Variants in CLASRP observed in about 807,000 individuals in gnomAD.
CLASRP encodes CLK4-associating serine/arginine rich protein.
Under a neutral mutation model 99.9 loss-of-function variants are expected in CLASRP, and 52 were observed. The ratio of observed to expected loss-of-function variants is 0.52; its 90% CI spans 0.42 to 0.66. The LOEUF (loss-of-function observed/expected upper bound fraction) is 0.66, where lower values mean the gene tolerates loss of function less well. CLASRP is among the 30% of genes least tolerant of loss of function. The pLI is 0.00. For missense variants in CLASRP, 848 were observed against 999.2 expected (o/e 0.85, Z 2.04); for synonymous variants, 379 against 373.0 (o/e 1.02, Z -0.18).
chr19:45,048,846 C>A (rs542358064), intron 2 of CLASRP, among the ~76,000 whole-genome samples: 1 of 151,660 alleles, frequency 6.6e-6, no homozygotes, highest in Non-Finnish European at 1.5e-5. Context: ...ATTAGCCAAG[C>A]GTGGTGGCGG....
intron 13 of CLASRP, among the ~76,000 whole-genome samples, chr19:45,065,715 C>T (rs991898784): frequency 4.0e-4 from 61 of 152,132 alleles, no homozygotes; most frequent in African/African-American, 1.3e-3. Flanking sequence ...GGAAGGGCAG[C>T]GACGCTGGGT....
chr19:45,070,749 G>A, intron 20 of CLASRP, 54 bp from the exon 21 acceptor site: 1 of 1,467,960 alleles, frequency 6.8e-7, no homozygotes, highest in Non-Finnish European at 9.6e-7. Flanking sequence ...ACGGCCCCAG[G>A]TGTGTTGATG....
rs768970959 is a variant in CLASRP at position 45,064,181 on chromosome 19, C to A, written c.1075C>A (p.Pro359Thr). 1.9e-5 allele frequency: 30 copies of A among 1,607,954 alleles called. No individual in the cohort carries two copies. Among genetic ancestry groups the A allele is most frequent in the Non-Finnish European group, 2.5e-5 (29 of 1,178,102 alleles). The part of the protein sequence containing the change: ...SGVTTGKPPA[P>T]PQPGGPAPGR... ...AGTCACCACAGGGAAGCCCCCCGCA[C>A]CTCCCCAGCCTGGCGGCCCCGCCCC... The change falls in exon 12 of 21, where the codon CCT becomes ACT. Residue 359 changes from proline (P) to threonine (T), a missense_variant. Coordinates refer to ENST00000221455, the MANE Select transcript of CLASRP (RefSeq NM_007056.3).
intron 18 of CLASRP, 54 bp from the exon 19 acceptor site, chr19:45,069,966 CCT>C (rs111558665): frequency 5.1e-6 from 5 of 987,290 alleles, no homozygotes; most frequent in African/African-American, 1.6e-5. Flanking sequence ...ACCTGCCCTC[CCT>C]GAGTTCAGTG....
chr19:45,042,177 A>G (rs534258533), intron 2 of CLASRP, among the ~76,000 whole-genome samples: 4 of 152,292 alleles, frequency 2.6e-5, no homozygotes, highest in Admixed American at 2.0e-4. Flanking sequence ...CCTCGTCTCT[A>G]CTAAAAATAC....
intron 5 of CLASRP, 49 bp downstream of exon 5, chr19:45,053,226 C>T (rs1199976791): frequency 6.3e-7 from 1 of 1,581,720 alleles, no homozygotes; most frequent in Non-Finnish European, 8.7e-7. Flanking sequence ...AGCCTGGAGC[C>T]TGGAAGACCT....
Position 45,052,185 on chromosome 19 carries a change from A to T in CLASRP, c.197+17A>T. On this transcript the variant is annotated intron_variant, in intron 3 of 20. Coordinates refer to ENST00000221455, the MANE Select transcript of CLASRP (RefSeq NM_007056.3). Reference sequence around the variant, plus strand: ...TGTTAATATGTAAGACTGATATGGAAGGCAGGGGAGTGTCTGAAGTCTGGG... The same window carrying T: ...TGTTAATATGTAAGACTGATATGGATGGCAGGGGAGTGTCTGAAGTCTGGG... 1 of 1,607,712 alleles carries T rather than the reference A, an allele frequency of 6.2e-7. No homozygotes were observed. Among genetic ancestry groups the T allele is most frequent in the Non-Finnish European group, 8.5e-7 (1 of 1,174,432 alleles).
intron 2 of CLASRP, among the ~76,000 whole-genome samples, chr19:45,043,769 C>A (rs991439751): frequency 2.0e-5 from 3 of 152,160 alleles, no homozygotes; most frequent in African/African-American, 7.2e-5. Flanking sequence ...AAAGGGAGAA[C>A]TCATCTCCGA....
chr19:45,070,886 G>T lies in CLASRP; in HGVS notation c.*41G>T. 1 of 1,187,894 alleles carries T rather than the reference G, an allele frequency of 8.4e-7. No homozygotes were observed. The highest frequency in any genetic ancestry group is 1.3e-5 in the South Asian group (1 of 77,296). 73.6% of individuals were successfully genotyped at this position (1,187,894 alleles called of 1,614,324 possible). ...GTGGGGAGGACAAGGGGGTGGGTAAGGGGCTCAAGCTGTGATGCTGCTGGT... is the reference window on the plus strand; with the variant it reads ...GTGGGGAGGACAAGGGGGTGGGTAATGGGCTCAAGCTGTGATGCTGCTGGT... On this transcript the variant is annotated 3_prime_UTR_variant, in exon 21 of 21. Coordinates refer to ENST00000221455, the MANE Select transcript of CLASRP (RefSeq NM_007056.3).
intron 17 of CLASRP, 29 bp from the exon 18 acceptor site, chr19:45,069,173 C>T: frequency 1.2e-6 from 2 of 1,614,012 alleles, no homozygotes; most frequent in South Asian, 1.1e-5. Context: ...GCTGGCCTGG[C>T]CACGTCCTCA....
chr19:45,042,567 G>A (rs189768809), intron 2 of CLASRP, among the ~76,000 whole-genome samples: 1 of 150,978 alleles, frequency 6.6e-6, no homozygotes, highest in East Asian at 1.9e-4. Context: ...ACACACATAC[G>A]CATACACAGG....
intron 11 of CLASRP, 101 bp from the exon 12 acceptor site, chr19:45,063,911 G>A: frequency 2.7e-6 from 4 of 1,462,112 alleles, no homozygotes; most frequent in South Asian, 2.8e-5. Flanking sequence ...TTCCCGGGTC[G>A]CTGTGGCCCG....
At chr19:45,040,044 C>A in intron 1 of CLASRP, 140 bp from the exon 2 acceptor site, 1 of 555,526 alleles carries the variant, frequency 1.8e-6, no homozygotes, top group Non-Finnish European at 3.3e-6. Context: ...GCATACTGTT[C>A]TGCAGCTTCA....
Position 45,064,389 on chromosome 19 carries a change from T to G in CLASRP, c.1168T>G (p.Ser390Ala). The change falls in exon 13 of 21, where the codon TCC becomes GCC. Residue 390 changes from serine to alanine, a missense_variant. Ser to Ala is a moderately conservative substitution (Grantham distance 99, BLOSUM62 1). Transcript: ENST00000221455. ...CTCCTCCTCTTCTGCCTCGAGGACC[T>G]CCAGCTCCCGCTCCAGCTCTCGCTC... Reference protein sequence around the residue: ...SSSSSSASRTSSSRSSSRSSS... With the variant: ...SSSSSSASRTASSRSSSRSSS... 1 of 1,531,780 alleles carries G rather than the reference T, an allele frequency of 6.5e-7. No individual in the cohort carries two copies. The allele number at this position is 1,531,780 out of a possible 1,614,324, so 94.9% of individuals were successfully genotyped here.
At chr19:45,061,222 C>T (rs751257549) in intron 10 of CLASRP, among the ~76,000 whole-genome samples, 5 of 152,126 alleles carry the variant, frequency 3.3e-5, no homozygotes, top group Non-Finnish European at 7.3e-5. Flanking sequence ...CTGAGAGTTC[C>T]TGTAAGGCTT....
chr19:45,053,224 G>A (rs1568414819), intron 5 of CLASRP, 47 bp downstream of exon 5: 1 of 1,590,570 alleles, frequency 6.3e-7, no homozygotes, highest in Admixed American at 1.7e-5. Context: ...TGAGCCTGGA[G>A]CCTGGAAGAC....
chr19:45,047,411 CAAAAAAAAA>C (rs35621559), intron 2 of CLASRP: 1 of 84,414 alleles, frequency 1.2e-5, no homozygotes, highest in Non-Finnish European at 2.2e-5. Flanking sequence ...GACTCCATCT[CAAAAAAAAA>C]AAAAAAAAAA....
rs1967030411 is a variant in CLASRP, at chr19:45,064,475, GTCCCGCTCCTGGTCCCGC to G, written c.1264_1281del (p.Trp422_Ser427del). On this transcript the variant is annotated inframe_deletion, in exon 13 of 21. Transcript: ENST00000221455. ...GTTCCGGCCGCCACGCCCGCTCCCGGTCCCGCTCCTGGTCCCGCTCCCGCTCCCGCTCCCGGCGCTATT... is the reference window on the plus strand; with the variant it reads ...GTTCCGGCCGCCACGCCCGCTCCCGGTCCCGCTCCCGCTCCCGGCGCTATT... The G allele has an allele frequency of 6.5e-7, 1 of 1,532,134 alleles. No homozygotes were observed. The highest frequency in any genetic ancestry group is 8.8e-7 in the Non-Finnish European group (1 of 1,142,786). 94.9% of individuals were successfully genotyped at this position (1,532,134 alleles called of 1,614,324 possible).
Position 45,067,558 on chromosome 19 carries a change from C to T in CLASRP, c.1631C>T (p.Pro544Leu), listed in dbSNP as rs1418130971. ...CCCGCAAGAGAGAAGCTGACCAGGC[C>T]GGCCGCGTCCCCTGCTGTGGGCGAG... is the stretch of plus-strand genomic sequence containing the variant. ...PSPAREKLTRPAASPAVGEKL... is the reference protein window; with the variant it reads ...PSPAREKLTRLAASPAVGEKL... The change falls in exon 14 of 21, where the codon CCG becomes CTG. Residue 544 changes from proline (P) to leucine (L), a missense_variant. Physicochemically the swap from Pro to Leu is moderately conservative, Grantham distance 98. Around this residue, in one of 8 missense-constraint regions of CLASRP, gnomAD observed 489 missense variants for 434.7 expected, o/e 1.12. Coordinates refer to ENST00000221455, the MANE Select transcript of CLASRP (RefSeq NM_007056.3). The surrounding 1 kb of genome is among the most constrained non-coding windows in gnomAD (Gnocchi z 4.9). 4.4e-6 allele frequency: 7 copies of T among 1,604,534 alleles called. No individual in the cohort carries two copies. Among genetic ancestry groups the T allele is most frequent in the South Asian group, 3.3e-5 (3 of 90,788 alleles).
Sources: gnomAD v4.1 joint callset for allele counts (sites outside exome capture counted in the v4.1 genomes callset) on GRCh38, gnomAD v4.1.1 for gene constraint, gnomAD v4.1.1 regional missense constraint, Gnocchi (gnomAD v3.1) non-coding constraint, MANE v1.5 for transcripts, NCBI Gene and HGNC (gene_info 2026-07-23, HGNC 2026-07-21) for gene names.